RFX6: variants seen among roughly 807,000 people sequenced by gnomAD.
RFX6 encodes regulatory factor X6.
Under a neutral mutation model 110.8 loss-of-function variants are expected in RFX6, and 50 were observed. The observed-to-expected ratio is 0.45, with a 90% confidence interval of 0.36 to 0.57. The LOEUF (loss-of-function observed/expected upper bound fraction) is 0.57. Ranked by LOEUF, RFX6 falls within the 20% of genes least tolerant of loss-of-function variation. The pLI, the probability that RFX6 is intolerant of heterozygous loss-of-function variation, is 0.00. For missense variants in RFX6, 990 were observed against 1,127.0 expected, an observed-to-expected ratio of 0.88 and a Z score of 1.74; for synonymous variants, 383 against 411.2, an observed-to-expected ratio of 0.93 and a Z score of 0.83.
intron 12 of RFX6, among the ~76,000 whole-genome samples, chr6:116,920,958 A>T (rs1775582292): frequency 6.6e-6 from 1 of 152,186 alleles, no homozygotes; most frequent in African/African-American, 2.4e-5. Flanking sequence ...GATAAATATC[A>T]AAATGGTATC....
chr6:116,931,561 A>G lies in RFX6; in HGVS notation c.*55A>G. 1 of 1,246,808 alleles carries G rather than the reference A, an allele frequency of 8.0e-7. No individual in the cohort carries two copies. The highest frequency in any genetic ancestry group is 1.2e-6 in the Non-Finnish European group (1 of 864,898). 77.2% of individuals were successfully genotyped at this position (1,246,808 alleles called of 1,614,324 possible). On this transcript the variant is annotated 3_prime_UTR_variant, in exon 19 of 19. Coordinates refer to ENST00000332958, the MANE Select transcript of RFX6 (RefSeq NM_173560.4). ...TTTAAAAAAAATCTCTACTGTGCAA[A>G]TATCATTATTCACTCAGACTTCCAT...
Position 116,923,233 on chromosome 6 carries a change from C to A in RFX6, c.1555+9C>A. On this transcript the variant is annotated intron_variant, in intron 14 of 18. Coordinates refer to ENST00000332958, the MANE Select transcript of RFX6 (RefSeq NM_173560.4). ...CAATGCATCCAGTTTTGGTAACATA[C>A]GTGCATTATAAAACTGTTCTTACAT... 8.2e-7 allele frequency: 1 copy of A among 1,220,818 alleles called. No individual in the cohort carries two copies. Among genetic ancestry groups the A allele is most frequent in the Non-Finnish European group, 1.2e-6 (1 of 822,308 alleles). The allele number at this position is 1,220,818 out of a possible 1,614,324, so 75.6% of individuals were successfully genotyped here. A position where few individuals can be genotyped will look rare whatever the true frequency, so the allele number is the denominator to read the frequency against.
Position 116,931,467 on chromosome 6 carries a change from C to T in RFX6, c.2748C>T (p.Ile916=). Residue 916 remains isoleucine, a synonymous_variant, in exon 19 of 19, where the codon ATC becomes ATT. Coordinates refer to ENST00000332958, the MANE Select transcript of RFX6 (RefSeq NM_173560.4). Reference sequence around the variant, plus strand: ...AAATGGTGTCCTCTTTACCACCTATCAACACTGTGTTCATGGGAACAGCAG... The same window carrying T: ...AAATGGTGTCCTCTTTACCACCTATTAACACTGTGTTCATGGGAACAGCAG... ...SREMVSSLPP[I]NTVFMGTAAG... The T allele has an allele frequency of 6.2e-7, 1 of 1,613,560 alleles. No homozygotes were observed. The highest frequency in any genetic ancestry group is 8.5e-7 in the Non-Finnish European group (1 of 1,179,568).
intron 12 of RFX6, among the ~76,000 whole-genome samples, chr6:116,920,826 A>G (rs1414742221): frequency 2.0e-5 from 3 of 152,236 alleles, no homozygotes; most frequent in African/African-American, 7.2e-5. Flanking sequence ...CTAGAAATAA[A>G]TGAAATGGAA....
At chr6:116,918,143 T>C in intron 10 of RFX6, 57 bp downstream of exon 10, 1 of 1,183,024 alleles carries the variant, frequency 8.5e-7, no homozygotes, top group Non-Finnish European at 1.3e-6. Flanking sequence ...CTTTATACAT[T>C]ATATTAGAAG....
chr6:116,880,088 C>A (rs1774554670), intron 2 of RFX6, among the ~76,000 whole-genome samples: 1 of 151,938 alleles, frequency 6.6e-6, no homozygotes, highest in Non-Finnish European at 1.5e-5. Context: ...TTGTCCTTCC[C>A]TAATTATTCA....
At chr6:116,900,896 G>C (rs1373345811) in intron 6 of RFX6, among the ~76,000 whole-genome samples, 1 of 151,982 alleles carries the variant, frequency 6.6e-6, no homozygotes, top group Non-Finnish European at 1.5e-5. Flanking sequence ...AGCATAACTG[G>C]GTATTTACAA....
chr6:116,928,971 G>A lies in RFX6; in HGVS notation c.2611G>A (p.Ala871Thr), dbSNP rs761861342. Residue 871 changes from alanine to threonine, a missense_variant and splice_region_variant, in exon 18 of 19, where the codon GCT (alanine) becomes ACT (threonine). Physicochemically the swap from Ala to Thr is moderately conservative, Grantham distance 58. Coordinates refer to ENST00000332958, the MANE Select transcript of RFX6 (RefSeq NM_173560.4). ...AGTTGCATGTCGAACTCCAGTCCTA[G>A]GTAAATTATTTTAGCAGTTCTTGAA... The part of the protein sequence containing the change: ...SPVACRTPVL[A>T]SSLQTPIPSS... 12 of 1,590,628 alleles carry A rather than the reference G, an allele frequency of 7.5e-6. No individual in the cohort carries two copies. Among genetic ancestry groups the A allele is most frequent in the Non-Finnish European group, 1.0e-5 (12 of 1,158,636 alleles).
At chr6:116,927,944 T>C (rs1331213008) in intron 17 of RFX6, among the ~76,000 whole-genome samples, 3 of 151,862 alleles carry the variant, frequency 2.0e-5, no homozygotes, top group Non-Finnish European at 4.4e-5. Context: ...AGTCTCACTA[T>C]GTTTGCCCAG....
intron 6 of RFX6, 25 bp from the exon 7 acceptor site, chr6:116,910,910 T>C: frequency 6.9e-7 from 1 of 1,442,504 alleles, no homozygotes; most frequent in Non-Finnish European, 9.8e-7. Context: ...AATGATGTAT[T>C]TGTTTTCATT....
chr6:116,917,082 G>A (rs1476547453), intron 9 of RFX6, among the ~76,000 whole-genome samples: 1 of 152,070 alleles, frequency 6.6e-6, no homozygotes, highest in East Asian at 1.9e-4. Context: ...ATCCTTCTAA[G>A]TTAGTTGCCA....
At chr6:116,923,052 C>T in intron 13 of RFX6, 55 bp from the exon 14 acceptor site, 1 of 848,524 alleles carries the variant, frequency 1.2e-6, no homozygotes, top group Non-Finnish European at 2.1e-6. Context: ...ACACAGGATG[C>T]ATGTAGTACT....
chr6:116,892,531 G>A (rs1244671053), intron 4 of RFX6, among the ~76,000 whole-genome samples: 2 of 152,144 alleles, frequency 1.3e-5, no homozygotes, highest in East Asian at 1.9e-4. Flanking sequence ...GTGGTCAGGG[G>A]GTAGCTGTTA....
chr6:116,931,770 T>G lies in RFX6; in HGVS notation c.*264T>G. The G allele has an allele frequency of 2.8e-6, 1 of 354,774 alleles. No individual in the cohort carries two copies. 22.0% of individuals were successfully genotyped at this position (354,774 alleles called of 1,614,324 possible). On this transcript the variant is annotated 3_prime_UTR_variant, in exon 19 of 19. Coordinates refer to ENST00000332958, the MANE Select transcript of RFX6 (RefSeq NM_173560.4). ...AATAAAACCAGTGAAGATCTGAAGA[T>G]GCAAACATTTCAACTATGAAGATTT...
intron 17 of RFX6, 148 bp downstream of exon 17, chr6:116,927,687 G>C: frequency 2.9e-6 from 2 of 682,760 alleles, no homozygotes; most frequent in South Asian, 3.5e-5. Context: ...GCTGATTTCT[G>C]TCACATACAT....
chr6:116,877,963 C>T lies in RFX6; in HGVS notation c.380+11C>T, dbSNP rs747004414. The stretch of plus-strand genomic sequence containing the variant: ...GCTCACGCTGCAGTGGTGAGACTCG[C>T]CCGCAGGGTACACTGAAGCACCTGT... On this transcript the variant is annotated intron_variant, in intron 2 of 18. Transcript: ENST00000332958. 51 of 1,613,224 alleles carry T rather than the reference C, an allele frequency of 3.2e-5. 2 individuals carry two copies. In the South Asian group the frequency reaches 5.2e-4, roughly 16 times the overall value.
chr6:116,878,847 TA>T (rs1774525621), intron 2 of RFX6, among the ~76,000 whole-genome samples: 3 of 151,888 alleles, frequency 2.0e-5, no homozygotes, highest in African/African-American at 7.2e-5. Flanking sequence ...ATTTAAATAT[TA>T]AATTACAATT....
intron 13 of RFX6, among the ~76,000 whole-genome samples, chr6:116,922,611 C>A (rs1775626428): frequency 6.6e-6 from 1 of 152,076 alleles, no homozygotes; most frequent in Non-Finnish European, 1.5e-5. Context: ...AACCTAGTCA[C>A]CCATTGTGAA....
rs369199280 is a variant in RFX6, at chr6:116,920,494, C to T, written c.1327+40C>T. 7.6e-6 allele frequency: 12 copies of T among 1,578,174 alleles called. 1 individual carries two copies. The highest frequency in any genetic ancestry group is 2.2e-5 in the East Asian group (1 of 44,624). ...TTTGTTTAGAACAAGGTTTTCTAAG[C>T]TCAGAAAATTGACATCTTGAGCTGG... is the stretch of plus-strand genomic sequence containing the variant. On this transcript the variant is annotated intron_variant, in intron 12 of 18. Transcript: ENST00000332958.
Sources: allele counts gnomAD v4.1 joint callset (sites outside exome capture counted in the v4.1 genomes callset), GRCh38; gene constraint gnomAD v4.1.1; transcripts MANE v1.5; gene names NCBI Gene and HGNC (gene_info 2026-07-23, HGNC 2026-07-21).